The following UNC5D variants were observed in gnomAD, a reference collection of about 807,000 sequenced individuals.
The protein encoded by UNC5D is netrin receptor UNC5D.
In UNC5D, 39 loss-of-function variants were observed where a neutral mutation model predicts 105.4. The ratio of observed to expected loss-of-function variants is 0.37; its 90% confidence interval spans 0.29 to 0.48. UNC5D has a LOEUF of 0.48. UNC5D is among the 20% of genes least tolerant of loss of function. The pLI is 0.98. For missense variants in UNC5D, 991 were observed against 1,202.4 expected, an observed-to-expected ratio of 0.82 and a Z score of 2.60; for synonymous variants, 452 against 450.4, an observed-to-expected ratio of 1.00 and a Z score of -0.04.
intron 1 of UNC5D, among the ~76,000 whole-genome samples, chr8:35,322,137 A>C (rs775322855): frequency 6.6e-6 from 1 of 152,122 alleles, no homozygotes; most frequent in African/African-American, 2.4e-5. Flanking sequence ...AGAAGTCCAC[A>C]TTATCATTAT....
chr8:35,525,350 T>C, intron 1 of UNC5D: 1 of 1,612,238 alleles, frequency 6.2e-7, no homozygotes, highest in Non-Finnish European at 8.5e-7. Context: ...TAACAACTTC[T>C]TCCATGACTA....
At chr8:35,757,790 A>G (rs1342862557) in intron 13 of UNC5D, among the ~76,000 whole-genome samples, 1 of 152,126 alleles carries the variant, frequency 6.6e-6, no homozygotes, top group Non-Finnish European at 1.5e-5. Flanking sequence ...TATCCTCCCC[A>G]TAGTGCCTCT....
chr8:35,281,155 C>T (rs1563276184), intron 1 of UNC5D, among the ~76,000 whole-genome samples: 1 of 152,144 alleles, frequency 6.6e-6, no homozygotes, highest in Non-Finnish European at 1.5e-5. Context: ...GGGCAAACTC[C>T]TCTCTATACT....
chr8:35,735,884 T>A (rs1157644084), intron 11 of UNC5D, among the ~76,000 whole-genome samples: 1 of 152,150 alleles, frequency 6.6e-6, no homozygotes, highest in Non-Finnish European at 1.5e-5. Context: ...GAGGACCTCA[T>A]CTCCAAAAGA....
At chr8:35,419,143 A>G (rs1220274199) in intron 1 of UNC5D, among the ~76,000 whole-genome samples, 7 of 152,028 alleles carry the variant, frequency 4.6e-5, no homozygotes, top group African/African-American at 1.7e-4. Flanking sequence ...AAATTACTCC[A>G]CTCCTTAAGT....
rs148759684 is a variant in UNC5D at position 35,595,514 on chromosome 8, A to G, written c.467-40A>G. 5.8e-3 allele frequency: 9,199 copies of G among 1,591,340 alleles called. 27 individuals carry two copies. Among genetic ancestry groups the G allele is most frequent in the Non-Finnish European group, 6.3e-3 (7,304 of 1,159,790 alleles). On this transcript the variant is annotated intron_variant, in intron 3 of 16. Transcript: ENST00000404895. ...TTGGACCAAATTTGAATAACACTAG[A>G]CTTGAAACAAAGTGTCACCTATCTC...
intron 1 of UNC5D, among the ~76,000 whole-genome samples, chr8:35,246,825 C>CT (rs1213950058): frequency 2.0e-5 from 3 of 152,100 alleles, no homozygotes; most frequent in African/African-American, 7.2e-5. Context: ...GCATACAACA[C>CT]TTTTTCTAGA....
chr8:35,249,436 T>C (rs1019822235), intron 1 of UNC5D, among the ~76,000 whole-genome samples: 2 of 150,732 alleles, frequency 1.3e-5, no homozygotes, highest in African/African-American at 4.9e-5. Context: ...CAGGTGCCTG[T>C]AATCCCGGCT....
intron 1 of UNC5D, among the ~76,000 whole-genome samples, chr8:35,497,652 GA>G (rs76646347): frequency 0.18 from 24,998 of 142,498 alleles, 2,704 homozygotes; most frequent in African/African-American, 0.29. Context: ...GAGCATGGAT[GA>G]AAAAAAAAAA....
At chr8:35,641,107 A>C (rs1822682708) in intron 4 of UNC5D, among the ~76,000 whole-genome samples, 1 of 152,068 alleles carries the variant, frequency 6.6e-6, no homozygotes, top group Admixed American at 6.6e-5. Context: ...TTCACAAAAC[A>C]TAGATTAGGG....
chr8:35,333,311 A>T (rs1454079460), intron 1 of UNC5D, among the ~76,000 whole-genome samples: 2 of 151,980 alleles, frequency 1.3e-5, no homozygotes, highest in East Asian at 3.9e-4. Context: ...ACAGAGTGAG[A>T]CCCTGTCTCT....
At chr8:35,763,257 GGAAAAGA>G (rs1801623657) in intron 14 of UNC5D, among the ~76,000 whole-genome samples, 2 of 152,118 alleles carry the variant, frequency 1.3e-5, no homozygotes, top group African/African-American at 4.8e-5. Flanking sequence ...TCAATGGAAT[GGAAAAGA>G]GAAAAGAGGG....
chr8:35,581,497 G>T (rs2130843450), intron 3 of UNC5D, among the ~76,000 whole-genome samples: 1 of 152,134 alleles, frequency 6.6e-6, no homozygotes, highest in African/African-American at 2.4e-5. Context: ...GATAGTTAAT[G>T]GGTATAAAAA....
chr8:35,726,121 T>A (rs1828849922), intron 9 of UNC5D, 31 bp from the exon 10 acceptor site: 4 of 1,585,202 alleles, frequency 2.5e-6, no homozygotes, highest in Non-Finnish European at 3.4e-6. Flanking sequence ...CCTTTTAGTT[T>A]CTGAGTGACA....
intron 1 of UNC5D, among the ~76,000 whole-genome samples, chr8:35,283,409 C>T (rs927504629): frequency 7.2e-5 from 11 of 152,096 alleles, no homozygotes; most frequent in Non-Finnish European, 1.3e-4. Context: ...CGTCATGTCA[C>T]ATTACAAATT....
intron 15 of UNC5D, among the ~76,000 whole-genome samples, chr8:35,771,264 G>A (rs1021843096): frequency 7.9e-5 from 12 of 152,176 alleles, no homozygotes; most frequent in African/African-American, 2.9e-4. Context: ...TGAAGAGAGA[G>A]CTCGGTCAAC....
intron 8 of UNC5D, among the ~76,000 whole-genome samples, chr8:35,706,968 T>G (rs1359998290): frequency 6.6e-6 from 1 of 152,134 alleles, no homozygotes; most frequent in Non-Finnish European, 1.5e-5. Flanking sequence ...ACAGCTCTCA[T>G]TAGTAGGAGA....
At chr8:35,723,101 G>A (rs905170373) in intron 9 of UNC5D, among the ~76,000 whole-genome samples, 3 of 152,120 alleles carry the variant, frequency 2.0e-5, no homozygotes, top group Non-Finnish European at 2.9e-5. Flanking sequence ...AAATGAAACC[G>A]TCTCTTTTCA....
At chr8:35,557,119 G>A (rs983270) in intron 2 of UNC5D, among the ~76,000 whole-genome samples, 34,569 of 152,048 alleles carry the variant, frequency 0.23, 6,070 homozygotes, top group African/African-American at 0.48. Context: ...CATGGGATGC[G>A]TTTTCTAAAC....
Sources: allele counts gnomAD v4.1 joint callset (sites outside exome capture counted in the v4.1 genomes callset), GRCh38; gene constraint gnomAD v4.1.1; transcripts MANE v1.5; gene names NCBI Gene and HGNC (gene_info 2026-07-23, HGNC 2026-07-21).